The following ZYG11B variants were observed in gnomAD, a reference collection of about 807,000 sequenced individuals.
ZYG11B encodes protein zyg-11 homolog B.
Under a neutral mutation model 82.4 loss-of-function variants are expected in ZYG11B, and 36 were observed. That is an observed-to-expected ratio of 0.44 (90% CI 0.33 to 0.58). The LOEUF is 0.58. ZYG11B is among the 20% of genes least tolerant of loss of function. The pLI, the probability that ZYG11B is intolerant of heterozygous loss-of-function variation, is 0.02. For synonymous variants in ZYG11B, 303 were observed against 312.8 expected (o/e 0.97, Z 0.33); for missense variants, 552 against 895.6 (o/e 0.62, Z 4.90).
At chr1:52,736,673 G>A (rs1047146868) in intron 1 of ZYG11B, among the ~76,000 whole-genome samples, 5 of 151,462 alleles carry the variant, frequency 3.3e-5, no homozygotes, top group East Asian at 2.0e-4. Context: ...GGCTGGTCTC[G>A]AACTCCTGAC....
At chr1:52,731,907 A>T (rs929354187) in intron 1 of ZYG11B, among the ~76,000 whole-genome samples, 15 of 152,148 alleles carry the variant, frequency 9.9e-5, no homozygotes, top group African/African-American at 3.6e-4. Flanking sequence ...GGCCCAAGCC[A>T]TCCTCCCGCC....
rs559633853 is a variant in ZYG11B, at chr1:52,751,088, C to T, written c.31-5370C>T. Among the ~76,000 whole-genome samples, 4 of 152,192 alleles carry T rather than the reference C, an allele frequency of 2.6e-5. No individual in the cohort carries two copies. The East Asian group carries it at 7.8e-4, about 29-fold the overall frequency. ...TGGTGCCATCACGACTCACTGTAAC[C>T]TCCCACTTCAGCTCCTGAGTAACTA... On this transcript the variant is annotated intron_variant, in intron 1 of 13. Transcript: ENST00000294353.
intron 2 of ZYG11B, among the ~76,000 whole-genome samples, chr1:52,767,032 ATTTAT>A (rs1329221397): frequency 6.7e-6 from 1 of 150,128 alleles, no homozygotes; most frequent in Non-Finnish European, 1.5e-5. Flanking sequence ...ATTTTATTTT[ATTTAT>A]TTTATGTTAT....
chr1:52,776,229 A>AAAAAAAAAAAAAAAAAAAATATAT, intron 3 of ZYG11B, among the ~76,000 whole-genome samples: 2 of 23,542 alleles, frequency 8.5e-5, no homozygotes, highest in African/African-American at 1.9e-4. Context: ...TAAAAAAAAA[A>AAAAAAAAAAAAAAAAAAAATATAT]ATATATATAT....
intron 2 of ZYG11B, among the ~76,000 whole-genome samples, chr1:52,762,978 G>GGT (rs1553259206): frequency 1.7e-5 from 2 of 114,370 alleles, no homozygotes; most frequent in African/African-American, 8.3e-5. Flanking sequence ...TGAGAGATTG[G>GGT]GGGGGGGGGG....
At chr1:52,737,723 C>T (rs6696929) in intron 1 of ZYG11B, among the ~76,000 whole-genome samples, 95,472 of 152,180 alleles carry the variant, frequency 0.63, 31,961 homozygotes, top group East Asian at 0.97. Context: ...GATCGTGCCA[C>T]TGCACTCCAG....
chr1:52,800,614 G>A (rs1489367634), intron 8 of ZYG11B, among the ~76,000 whole-genome samples: 1 of 152,036 alleles, frequency 6.6e-6, no homozygotes. Context: ...TTCGAGACCA[G>A]TGTGGCCAAC....
chr1:52,826,760 A>G lies in ZYG11B; in HGVS notation c.*5131A>G, dbSNP rs1403783172. 4 of 152,186 alleles carry G rather than the reference A, an allele frequency of 2.6e-5. No individual in the cohort carries two copies. Among genetic ancestry groups the G allele is most frequent in the Non-Finnish European group, 4.4e-5 (3 of 68,042 alleles). 9.4% of individuals were successfully genotyped at this position (152,186 alleles called of 1,614,324 possible). A position where few individuals can be genotyped will look rare whatever the true frequency, so the allele number is the denominator to read the frequency against. On this transcript the variant is annotated 3_prime_UTR_variant, in exon 14 of 14. Coordinates refer to ENST00000294353, the MANE Select transcript of ZYG11B (RefSeq NM_024646.3). ...AGAATGGCCATTAAGAATATTTCCAAAATCCAAGTTTATCAAAATTATTTT... is the reference window on the plus strand; with the variant it reads ...AGAATGGCCATTAAGAATATTTCCAGAATCCAAGTTTATCAAAATTATTTT...
At chr1:52,790,967 T>C (rs777261595) in intron 6 of ZYG11B, among the ~76,000 whole-genome samples, 10 of 151,626 alleles carry the variant, frequency 6.6e-5, no homozygotes, top group Non-Finnish European at 8.8e-5. Flanking sequence ...TTTTAAGATA[T>C]AATTTTTCTT....
intron 1 of ZYG11B, among the ~76,000 whole-genome samples, chr1:52,733,166 G>A (rs555057074): frequency 4.6e-5 from 7 of 152,192 alleles, no homozygotes; most frequent in African/African-American, 1.2e-4. Flanking sequence ...ATTTCTGTAC[G>A]TAAAATTATC....
Position 52,726,502 on chromosome 1 carries a change from C to T in ZYG11B, c.-152C>T, listed in dbSNP as rs1571732549. 7 of 660,632 alleles carry T rather than the reference C, an allele frequency of 1.1e-5. No individual in the cohort carries two copies. Among genetic ancestry groups the T allele is most frequent in the East Asian group, 3.6e-5 (1 of 27,714 alleles). The allele number at this position is 660,632 out of a possible 1,614,324, so 40.9% of individuals were successfully genotyped here. A position where few individuals can be genotyped will look rare whatever the true frequency, so the allele number is the denominator to read the frequency against. The stretch of plus-strand genomic sequence containing the variant: ...GCGGCTGCGGCTGCGGCTGCGGCTG[C>T]TACTGCTACGCTCCTAGCTTGAGGG... On this transcript the variant is annotated 5_prime_UTR_variant, in exon 1 of 14. Transcript: ENST00000294353.
chr1:52,767,431 A>C (rs1644707573), intron 2 of ZYG11B, among the ~76,000 whole-genome samples: 1 of 152,058 alleles, frequency 6.6e-6, no homozygotes. Context: ...CAGCCTCCCA[A>C]GTAGCTGAGA....
At chr1:52,789,336 TA>T (rs1644937114) in intron 5 of ZYG11B, among the ~76,000 whole-genome samples, 2 of 152,190 alleles carry the variant, frequency 1.3e-5, no homozygotes, top group Admixed American at 6.5e-5. Flanking sequence ...CAAAAACCTT[TA>T]AAAAATATTA....
At chr1:52,732,321 A>G (rs1644339570) in intron 1 of ZYG11B, among the ~76,000 whole-genome samples, 1 of 152,234 alleles carries the variant, frequency 6.6e-6, no homozygotes, top group Non-Finnish European at 1.5e-5. Flanking sequence ...GAAATGTCCT[A>G]CAATAGGAGG....
In ZYG11B at chr1:52,726,658, C is replaced by T. The variant is rs936580681; in HGVS notation, c.5C>T (p.Pro2Leu). 86 of 1,478,410 alleles carry T rather than the reference C, an allele frequency of 5.8e-5. No homozygotes were observed. In the African/African-American group the frequency reaches 9.9e-4, roughly 17 times the overall value. 91.6% of individuals were successfully genotyped at this position (1,478,410 alleles called of 1,614,324 possible). M[P>L]EDQAGAAMEE... ...CGCACCCAGGACGGAGGCTGCATGC[C>T]CGAGGACCAGGCCGGCGCAGCCATG... Residue 2 changes from proline (P) to leucine (L), a missense_variant, in exon 1 of 14, where the codon CCC becomes CTC. Transcript: ENST00000294353.
At chr1:52,732,080 G>A (rs1238760911) in intron 1 of ZYG11B, among the ~76,000 whole-genome samples, 1 of 152,230 alleles carries the variant, frequency 6.6e-6, no homozygotes, top group Non-Finnish European at 1.5e-5. Flanking sequence ...TGGGATTACA[G>A]GCCTGAGCCA....
chr1:52,784,816 G>A (rs1231175869), intron 4 of ZYG11B, 61 bp from the exon 5 acceptor site: 1 of 1,524,380 alleles, frequency 6.6e-7, no homozygotes, highest in East Asian at 2.2e-5. Flanking sequence ...AAATAATTCT[G>A]CTCTGTGAAG....
intron 1 of ZYG11B, 121 bp from the exon 2 acceptor site, chr1:52,756,337 C>T: frequency 1.1e-6 from 1 of 877,114 alleles, no homozygotes; most frequent in Non-Finnish European, 1.8e-6. Context: ...CAGTGTCTAG[C>T]ATATGATAGA....
At chr1:52,791,238 G>T (rs976272922) in intron 6 of ZYG11B, among the ~76,000 whole-genome samples, 3 of 152,088 alleles carry the variant, frequency 2.0e-5, no homozygotes, top group African/African-American at 7.2e-5. Context: ...CTCCCAAAGT[G>T]CTGGGATTAC....
Sources: allele counts gnomAD v4.1 joint callset (sites outside exome capture counted in the v4.1 genomes callset), GRCh38; gene constraint gnomAD v4.1.1; transcripts MANE v1.5; gene names NCBI Gene and HGNC (gene_info 2026-07-23, HGNC 2026-07-21).